Variants in DNAJC6 observed in about 807,000 individuals in gnomAD.
The protein encoded by DNAJC6 is auxilin.
DNAJC6 carries 34 observed loss-of-function variants against 110.0 expected under a neutral mutation model. That is an observed-to-expected ratio of 0.31 (90% CI 0.24 to 0.41). DNAJC6 has a LOEUF of 0.41. Ranked by LOEUF, DNAJC6 falls within the 10% of genes least tolerant of loss-of-function variation. The pLI is 1.00. For missense variants in DNAJC6, 1,031 were observed against 1,207.8 expected, an observed-to-expected ratio of 0.85 and a Z score of 2.17; for synonymous variants, 406 against 437.2, an observed-to-expected ratio of 0.93 and a Z score of 0.89.
chr1:65,358,634 T>G (rs1645569977), intron 1 of DNAJC6, among the ~76,000 whole-genome samples: 1 of 152,250 alleles, frequency 6.6e-6, no homozygotes, highest in African/African-American at 2.4e-5. Flanking sequence ...AAAGTAAGAT[T>G]ACACAGTGGA....
At chr1:65,303,766 G>T (rs1645012446) in intron 1 of DNAJC6, among the ~76,000 whole-genome samples, 1 of 151,976 alleles carries the variant, frequency 6.6e-6, no homozygotes, top group South Asian at 2.1e-4. Flanking sequence ...GTAGAGACGG[G>T]GTTTCACCAT....
intron 1 of DNAJC6, chr1:65,299,040 A>G (rs1001939415): frequency 2.0e-5 from 3 of 152,236 alleles, no homozygotes; most frequent in Non-Finnish European, 2.9e-5. Context: ...TGATGGAGAA[A>G]TGGACCAACT....
chr1:65,309,989 G>C, intron 1 of DNAJC6, 51 bp downstream of exon 1: 1 of 1,363,828 alleles, frequency 7.3e-7, no homozygotes. Flanking sequence ...GGCCTCCGGA[G>C]CCTCCCAGTC....
At chr1:65,327,342 C>A (rs4916043) in intron 1 of DNAJC6, among the ~76,000 whole-genome samples, 111,678 of 152,052 alleles carry the variant, frequency 0.73, 41,020 homozygotes, top group East Asian at 0.83. Flanking sequence ...AAAATAGTTA[C>A]ACGGCTTCCC....
At position 65,392,436 on chromosome 1, in the gene DNAJC6, A is replaced by G. The variant is rs1326546946; in HGVS notation, c.1474A>G (p.Lys492Glu). The change falls in exon 12 of 19, where the codon AAA becomes GAA. Residue 492 changes from lysine (K) to glutamate (E), a missense_variant. Lys to Glu is a moderately conservative substitution (Grantham distance 56). Coordinates refer to ENST00000371069, the MANE Select transcript of DNAJC6 (RefSeq NM_001256864.2). ...FFASLCWQDQ[K>E]SEKSFCEEDH... is the part of the protein sequence containing the mutation. ...GGTATACTGGCCTTCCTCAGATCAG[A>G]AATCGGAGAAGTCATTCTGTGAGGA... 1 of 1,593,362 alleles carries G rather than the reference A, an allele frequency of 6.3e-7. No homozygotes were observed. The highest frequency in any genetic ancestry group is 1.7e-5 in the Admixed American group (1 of 57,846).
chr1:65,302,323 T>C, intron 1 of DNAJC6, among the ~76,000 whole-genome samples: 1 of 135,328 alleles, frequency 7.4e-6, no homozygotes, highest in South Asian at 2.3e-4. Flanking sequence ...CAGTATAACA[T>C]TGCTGTGGTT....
intron 1 of DNAJC6, chr1:65,279,930 A>G (rs1653792194): frequency 6.6e-6 from 1 of 152,378 alleles, no homozygotes; most frequent in Non-Finnish European, 1.5e-5. Flanking sequence ...AAGATAAAAG[A>G]AAGCTACCCT....
At chr1:65,373,996 A>C (rs1249157827) in intron 4 of DNAJC6, among the ~76,000 whole-genome samples, 4 of 152,116 alleles carry the variant, frequency 2.6e-5, no homozygotes, top group African/African-American at 9.7e-5. Flanking sequence ...ATTTTTCTGC[A>C]TATAGTTACC....
At chr1:65,355,492 C>T (rs1275370092) in intron 1 of DNAJC6, among the ~76,000 whole-genome samples, 3 of 152,136 alleles carry the variant, frequency 2.0e-5, no homozygotes, top group Non-Finnish European at 2.9e-5. Context: ...ATGGATGCTA[C>T]ACATGCCCCT....
At chr1:65,271,626 G>A (rs191352261) in intron 1 of DNAJC6, among the ~76,000 whole-genome samples, 3 of 152,126 alleles carry the variant, frequency 2.0e-5, no homozygotes, top group East Asian at 1.9e-4. Context: ...TAGCACTTTC[G>A]GAGGTGGAGG....
chr1:65,265,168 C>T lies in DNAJC6; in HGVS notation c.-131+236C>T, dbSNP rs1749970. ...CCATTTTTATAGTCCTAAATATAACCCTATTTTTGCATTCTTAATCTTGGC... is the reference window on the plus strand; with the variant it reads ...CCATTTTTATAGTCCTAAATATAACTCTATTTTTGCATTCTTAATCTTGGC... On this transcript the variant is annotated intron_variant, in intron 1 of 19. Transcript: ENST00000263441. Among the ~76,000 whole-genome samples the T allele has an allele frequency of 0.68, 103,417 of 151,932 alleles. 35,917 individuals carry two copies. The highest frequency in any genetic ancestry group is 0.87 in the South Asian group (4,212 of 4,820).
At chr1:65,268,075 C>A (rs1653394444) in intron 1 of DNAJC6, among the ~76,000 whole-genome samples, 1 of 152,116 alleles carries the variant, frequency 6.6e-6, no homozygotes. Context: ...GAAGTCAATT[C>A]TTTTTGTAAA....
chr1:65,372,644 G>A (rs1175175753), intron 4 of DNAJC6, among the ~76,000 whole-genome samples: 2 of 151,994 alleles, frequency 1.3e-5, no homozygotes, highest in Admixed American at 6.6e-5. Context: ...TTGAGGCCTG[G>A]AGAGGTTAGT....
intron 4 of DNAJC6, among the ~76,000 whole-genome samples, chr1:65,375,415 A>G (rs555425527): frequency 6.7e-6 from 1 of 150,100 alleles, no homozygotes; most frequent in Middle Eastern, 3.5e-3. Context: ...CCTTGTACCA[A>G]TGAAGTAAAA....
At chr1:65,294,802 CATT>C (rs1168875189) in intron 1 of DNAJC6, among the ~76,000 whole-genome samples, 2 of 152,088 alleles carry the variant, frequency 1.3e-5, no homozygotes, top group African/African-American at 4.8e-5. Flanking sequence ...ATATGGCTCA[CATT>C]ATATTTCTGC....
chr1:65,350,698 T>C (rs1216655420), intron 1 of DNAJC6, among the ~76,000 whole-genome samples: 1 of 152,242 alleles, frequency 6.6e-6, no homozygotes, highest in Non-Finnish European at 1.5e-5. Flanking sequence ...TTCAACTTAG[T>C]CCTAGGAATG....
intron 1 of DNAJC6, among the ~76,000 whole-genome samples, chr1:65,282,580 C>T (rs1048848881): frequency 5.9e-5 from 9 of 152,248 alleles, no homozygotes; most frequent in Middle Eastern, 3.4e-3. Context: ...ATTAACCTGT[C>T]ACCAGAAGGA....
Position 65,389,549 on chromosome 1 carries a change from C to G in DNAJC6, c.1390C>G (p.Gln464Glu). The change falls in exon 11 of 19, where the codon CAG becomes GAG. Residue 464 changes from glutamine (Q) to glutamate (E), a missense_variant and splice_region_variant. Transcript: ENST00000371069. ...EHQDTLALGG[Q>E]APIDIPPDNP... ...TACATGGTCTTTTTGTCTTGCAGGA[C>G]AGGCTCCAATAGATATCCCTCCAGA... The G allele has an allele frequency of 6.2e-7, 1 of 1,614,148 alleles. No individual in the cohort carries two copies. Among genetic ancestry groups the G allele is most frequent in the Admixed American group, 1.7e-5 (1 of 60,020 alleles).
rs142316959 is a variant in DNAJC6, at chr1:65,325,831, A to G, written c.193+15893A>G. Among the ~76,000 whole-genome samples the G allele has an allele frequency of 1.7e-3, 258 of 152,352 alleles. 5 individuals carry two copies. In the East Asian group the frequency reaches 0.044, roughly 26 times the overall value. On this transcript the variant is annotated intron_variant, in intron 1 of 18. Coordinates refer to ENST00000371069, the MANE Select transcript of DNAJC6 (RefSeq NM_001256864.2). The stretch of plus-strand genomic sequence containing the variant: ...GCACTTAGGCTGTAGGCTATAGCCT[A>G]TTGCTCCCAGGCTACAAGCCTGTAT...
Sources: allele counts gnomAD v4.1 joint callset (sites outside exome capture counted in the v4.1 genomes callset), GRCh38; gene constraint gnomAD v4.1.1; transcripts MANE v1.5; gene names NCBI Gene and HGNC (gene_info 2026-07-23, HGNC 2026-07-21).